Variants in PVT1 observed in about 807,000 individuals in gnomAD.
PVT1 encodes Pvt1 oncogene.
At chr8:128,097,559 G>T (rs1814444973) in intron 6 of PVT1, among the ~76,000 whole-genome samples, 1 of 152,166 alleles carries the variant, frequency 6.6e-6, no homozygotes, top group Admixed American at 6.5e-5. Context: ...AAGTGTGCCA[G>T]TCGCAGGATT....
At chr8:128,002,689 T>G (rs1817194568) in intron 4 of PVT1, among the ~76,000 whole-genome samples, 1 of 152,182 alleles carries the variant, frequency 6.6e-6, no homozygotes, top group African/African-American at 2.4e-5. Context: ...TTCCCTTTTC[T>G]TAGAATTGCA....
At chr8:128,038,261 G>C (rs16902580) in intron 4 of PVT1, among the ~76,000 whole-genome samples, 7,207 of 152,222 alleles carry the variant, frequency 0.047, 562 homozygotes, top group African/African-American at 0.16. Flanking sequence ...TTGATGGAAG[G>C]TTTCTTTGAG....
intron 3 of PVT1, among the ~76,000 whole-genome samples, chr8:127,903,285 GCTT>G (rs1490311626): frequency 1.3e-5 from 2 of 152,178 alleles, no homozygotes; most frequent in African/African-American, 4.8e-5. Context: ...GGGATTATTT[GCTT>G]CTTTGCTTTT....
rs143535958 is a variant in PVT1 at position 127,998,034 on chromosome 8, A to G, written n.912+8743A>G. On this transcript the variant is annotated intron_variant and non_coding_transcript_variant, in intron 4 of 10. Coordinates refer to ENST00000651587, the Ensembl canonical transcript of PVT1. ...GATTATGGAGGAAGGCCACAGAGGT[A>G]AAGTTCCGCTTTTATGAAATCAAGG... Among the ~76,000 whole-genome samples, 316 of 152,364 alleles carry G rather than the reference A, an allele frequency of 2.1e-3. 2 individuals are homozygous for G. Among genetic ancestry groups the G allele is most frequent in the African/African-American group, 7.3e-3 (305 of 41,578 alleles).
intron 3 of PVT1, among the ~76,000 whole-genome samples, chr8:127,896,779 C>A (rs4733805): frequency 1.6e-4 from 22 of 135,008 alleles, no homozygotes; most frequent in South Asian, 4.8e-4. Context: ...TTTCCTCCCC[C>A]CCCCCGCCCC....
At chr8:127,992,514 T>C (rs1381283768) in intron 4 of PVT1, among the ~76,000 whole-genome samples, 2 of 152,112 alleles carry the variant, frequency 1.3e-5, no homozygotes, top group Non-Finnish European at 2.9e-5. Context: ...GCTAGTACTA[T>C]AGGCACACAC....
chr8:127,934,022 A>C (rs1225245931), intron 3 of PVT1, among the ~76,000 whole-genome samples: 1 of 152,228 alleles, frequency 6.6e-6, no homozygotes, highest in East Asian at 1.9e-4. Flanking sequence ...ATAAGTCAAC[A>C]TTGTAGTTGC....
At chr8:127,866,944 A>T (rs748347428) in intron 2 of PVT1, among the ~76,000 whole-genome samples, 11 of 152,144 alleles carry the variant, frequency 7.2e-5, no homozygotes, top group Non-Finnish European at 1.5e-4. Flanking sequence ...CACTAATGCT[A>T]TGTGTGTTTG....
intron 5 of PVT1, among the ~76,000 whole-genome samples, chr8:128,082,146 G>A (rs1034565421): frequency 6.6e-6 from 1 of 152,226 alleles, no homozygotes; most frequent in African/African-American, 2.4e-5. Context: ...TGATTGCTTA[G>A]TATTGTCAGG....
chr8:127,971,348 T>G (rs1171468105), intron 3 of PVT1, among the ~76,000 whole-genome samples: 1 of 152,248 alleles, frequency 6.6e-6, no homozygotes, highest in Non-Finnish European at 1.5e-5. Flanking sequence ...CATCCCCTGC[T>G]GGGCCTCTGC....
chr8:127,986,361 C>A (rs961853663), intron 3 of PVT1, among the ~76,000 whole-genome samples: 3 of 152,154 alleles, frequency 2.0e-5, no homozygotes, highest in Admixed American at 2.0e-4. Context: ...CCCAGCATGA[C>A]CTTCTGCGGT....
At chr8:128,077,599 G>T (rs548532115) in intron 5 of PVT1, among the ~76,000 whole-genome samples, 11 of 152,132 alleles carry the variant, frequency 7.2e-5, no homozygotes, top group Middle Eastern at 3.2e-3. Flanking sequence ...GCAGTACCAC[G>T]AATAGAGAAA....
intron 3 of PVT1, among the ~76,000 whole-genome samples, chr8:127,950,156 T>C (rs1225724649): frequency 6.6e-6 from 1 of 152,228 alleles, no homozygotes; most frequent in Non-Finnish European, 1.5e-5. Context: ...GCACATGCTC[T>C]TCTAATCTCC....
At chr8:128,047,595 G>A (rs888868176) in intron 4 of PVT1, among the ~76,000 whole-genome samples, 5 of 152,326 alleles carry the variant, frequency 3.3e-5, no homozygotes, top group South Asian at 2.1e-4. Context: ...AACACTGGGC[G>A]AATCCTAAGA....
At chr8:127,823,532 G>C (rs574924354) in intron 2 of PVT1, among the ~76,000 whole-genome samples, 103 of 152,256 alleles carry the variant, frequency 6.8e-4, no homozygotes, top group African/African-American at 2.4e-3. Context: ...GTGAATCAGG[G>C]ACAGGTCAGT....
intron 2 of PVT1, among the ~76,000 whole-genome samples, chr8:127,863,441 G>C (rs1461845453): frequency 6.6e-6 from 1 of 152,120 alleles, no homozygotes; most frequent in Non-Finnish European, 1.5e-5. Flanking sequence ...TCAGGTGAGT[G>C]GCATTTGCCA....
At chr8:128,043,239 T>C (rs1813567012) in intron 4 of PVT1, among the ~76,000 whole-genome samples, 1 of 152,202 alleles carries the variant, frequency 6.6e-6, no homozygotes, top group East Asian at 1.9e-4. Flanking sequence ...GAATTTTGGA[T>C]GTAGGCAATA....
rs560928130 is a variant in PVT1, at chr8:127,889,741, G to A, written n.373-848G>A. On this transcript the variant is annotated intron_variant and non_coding_transcript_variant, in intron 2 of 10. Transcript: ENST00000651587. ...CTTCTTACTAGTCTGAAGTAGAATG[G>A]TTGTTTGTTCCTCCACTGCTTCATC... is the stretch of plus-strand genomic sequence containing the variant. Among the ~76,000 whole-genome samples the A allele has an allele frequency of 1.8e-4, 28 of 152,264 alleles. No homozygotes were observed. The East Asian group carries it at 4.4e-3, about 24-fold the overall frequency.
intron 2 of PVT1, among the ~76,000 whole-genome samples, chr8:127,856,841 G>A (rs1815166673): frequency 6.6e-6 from 1 of 152,210 alleles, no homozygotes; most frequent in Non-Finnish European, 1.5e-5. Flanking sequence ...GGCCTAGAGT[G>A]CTCTCCTAAC....
Sources: gnomAD v4.1 joint callset for allele counts (sites outside exome capture counted in the v4.1 genomes callset) on GRCh38, gnomAD v4.1.1 for gene constraint, MANE v1.5 for transcripts, NCBI Gene and HGNC (gene_info 2026-07-23, HGNC 2026-07-21) for gene names.